ATP13A3: variants seen among roughly 807,000 people sequenced by gnomAD.
ATP13A3 encodes ATPase 13A3, also known as polyamine-transporting ATPase 13A3.
In ATP13A3, 59 loss-of-function variants were observed where a neutral mutation model predicts 158.1. The ratio of observed to expected loss-of-function variants is 0.37; its 90% CI spans 0.30 to 0.46. ATP13A3 has a LOEUF of 0.46. Ranked by LOEUF, ATP13A3 falls within the 20% of genes least tolerant of loss-of-function variation. The pLI is 1.00. For synonymous variants in ATP13A3, 491 were observed against 504.3 expected (o/e 0.97, Z 0.35); for missense variants, 1,166 against 1,525.2 (o/e 0.76, Z 3.92).
chr3:194,481,573 G>A (rs1472377806), intron 2 of ATP13A3, among the ~76,000 whole-genome samples: 3 of 151,690 alleles, frequency 2.0e-5, no homozygotes, highest in African/African-American at 7.3e-5. Context: ...TGATCTCTCC[G>A]CATTATTTTC....
intron 3 of ATP13A3, 88 bp from the exon 4 acceptor site, chr3:194,460,919 G>C: frequency 7.4e-7 from 1 of 1,352,656 alleles, no homozygotes; most frequent in Non-Finnish European, 1.0e-6. Flanking sequence ...TTGTTTTCCA[G>C]ATAGGTATTT....
intron 2 of ATP13A3, among the ~76,000 whole-genome samples, chr3:194,485,188 GGT>G (rs1392171329): frequency 6.6e-6 from 1 of 152,168 alleles, no homozygotes; most frequent in Non-Finnish European, 1.5e-5. Flanking sequence ...CTGATCTAAT[GGT>G]AGGATAATGC....
At chr3:194,417,946 C>A (rs1715986632) in intron 31 of ATP13A3, among the ~76,000 whole-genome samples, 4 of 101,416 alleles carry the variant, frequency 3.9e-5, no homozygotes, top group Admixed American at 2.6e-4. Context: ...GGGTGACAGA[C>A]AGACGGACGG....
intron 33 of ATP13A3, 35 bp from the exon 34 acceptor site, chr3:194,406,151 C>A: frequency 6.2e-7 from 1 of 1,602,892 alleles, no homozygotes; most frequent in Non-Finnish European, 8.5e-7. Context: ...ACAAAACACC[C>A]CAGTTGATTA....
rs1343980850 is a variant in ATP13A3, at chr3:194,460,731, G to A, written c.152C>T (p.Pro51Leu). Reference protein sequence around the residue: ...GFLLLLLYWMPEWRVKATCVR... With the variant: ...GFLLLLLYWMLEWRVKATCVR... ...ACAGGTCGCTTTCACCCGCCACTCAGGCATCCAATAGAGGAGGAGGAGGAG... is the reference window on the plus strand; with the variant it reads ...ACAGGTCGCTTTCACCCGCCACTCAAGCATCCAATAGAGGAGGAGGAGGAG... The change falls in exon 4 of 34, where the codon CCT becomes CTT. Residue 51 changes from proline (P) to leucine (L), a missense_variant. Physicochemically the swap from Pro to Leu is moderately conservative, Grantham distance 98. This residue lies in a region of ATP13A3 where 65 missense variants were observed against 92.4 expected (regional missense o/e 0.70). Coordinates refer to ENST00000645319, the MANE Select transcript of ATP13A3 (RefSeq NM_001367549.1). The A allele has an allele frequency of 6.2e-7, 1 of 1,614,088 alleles. No homozygotes were observed. Among genetic ancestry groups the A allele is most frequent in the Non-Finnish European group, 8.5e-7 (1 of 1,180,022 alleles).
intron 10 of ATP13A3, 186 bp from the exon 11 acceptor site, chr3:194,450,462 CTAGT>C (rs1391998199): frequency 7.1e-6 from 4 of 561,516 alleles, no homozygotes; most frequent in African/African-American, 3.8e-5. Context: ...GGTGTGTCAG[CTAGT>C]TAGTCTCCTG....
At chr3:194,407,181 A>G (rs1165475105) in intron 33 of ATP13A3, among the ~76,000 whole-genome samples, 1 of 152,238 alleles carries the variant, frequency 6.6e-6, no homozygotes, top group Non-Finnish European at 1.5e-5. Flanking sequence ...ACTTCTAAAG[A>G]ACAGCCACTT....
chr3:194,419,763 A>G, intron 31 of ATP13A3, 116 bp downstream of exon 31: 1 of 1,439,312 alleles, frequency 6.9e-7, no homozygotes, highest in South Asian at 1.5e-5. Context: ...TCTGTAGAGT[A>G]TCTTTGGGTT....
chr3:194,490,839 A>G (rs1397770034), upstream of ATP13A3, among the ~76,000 whole-genome samples: 1 of 152,226 alleles, frequency 6.6e-6, no homozygotes, highest in South Asian at 2.1e-4. This position sits in a 1 kb window ranked among gnomAD's most constrained non-coding sequence, Gnocchi z 4.4. Context: ...TGTCATCTGC[A>G]TGTACATTAA....
In ATP13A3 at chr3:194,448,986, T is replaced by C. The variant is rs1332363137; in HGVS notation, c.971-350A>G. ...TAGTCCCTGCACCTCTAAGAACTAATGGTAACAGTGGAAAGCACTGTACAG... is the reference window on the plus strand; with the variant it reads ...TAGTCCCTGCACCTCTAAGAACTAACGGTAACAGTGGAAAGCACTGTACAG... On this transcript the variant is annotated intron_variant, in intron 11 of 33. Coordinates refer to ENST00000645319, the MANE Select transcript of ATP13A3 (RefSeq NM_001367549.1). This position sits in a 1 kb window ranked among gnomAD's most constrained non-coding sequence, Gnocchi z 4.0. 2.0e-5 allele frequency among the ~76,000 whole-genome samples: 3 copies of C among 151,174 alleles called. No homozygotes were observed. The highest frequency in any genetic ancestry group is 2.9e-5 in the Non-Finnish European group (2 of 67,914).
upstream of ATP13A3, among the ~76,000 whole-genome samples, chr3:194,491,251 A>G (rs544239116): frequency 6.6e-6 from 1 of 152,100 alleles, no homozygotes; most frequent in East Asian, 1.9e-4. Flanking sequence ...AGATAAGTTC[A>G]CTTATCCCAA....
Position 194,448,860 on chromosome 3 carries a change from C to T in ATP13A3, c.971-224G>A, listed in dbSNP as rs922233444. Among the ~76,000 whole-genome samples, 1 of 152,080 alleles carries T rather than the reference C, an allele frequency of 6.6e-6. No homozygotes were observed. The highest frequency in any genetic ancestry group is 1.9e-4 in the East Asian group (1 of 5,202). ...TCAAATATTATCTCCCACAATAATTCCAGAAAGTGATTTGTGGCTCAAAGG... is the reference window on the plus strand; with the variant it reads ...TCAAATATTATCTCCCACAATAATTTCAGAAAGTGATTTGTGGCTCAAAGG... On this transcript the variant is annotated intron_variant, in intron 11 of 33. Transcript: ENST00000645319. The surrounding 1 kb of genome is among the most constrained non-coding windows in gnomAD (Gnocchi z 4.0).
Position 194,433,779 on chromosome 3 carries a change from C to T in ATP13A3, c.2238G>A (p.Met746Ile). 6 of 1,614,052 alleles carry T rather than the reference C, an allele frequency of 3.7e-6. No individual in the cohort carries two copies. Among genetic ancestry groups the T allele is most frequent in the Non-Finnish European group, 5.1e-6 (6 of 1,179,994 alleles). The change falls in exon 21 of 34, where the codon ATG becomes ATA. Residue 746 changes from methionine to isoleucine, a missense_variant. By Grantham distance (10) the Met-to-Ile change is conservative (BLOSUM62 1). Around this residue, in one of 3 missense-constraint regions of ATP13A3, gnomAD observed 997 missense variants for 1,341.2 expected, o/e 0.74. Coordinates refer to ENST00000645319, the MANE Select transcript of ATP13A3 (RefSeq NM_001367549.1). ...DLHKANIRTV[M>I]VTGDSMLTAV... is the part of the protein sequence containing the mutation. ...TCTTTTATAAAGTCTAACCTGTGAC[C>T]ATGACGGTGCGAATGTTGGCTTTAT...
In ATP13A3 at chr3:194,404,031, C is replaced by A; in HGVS notation, c.*1888G>T. ...TAGCAATTACTTTCATTATATGCTT[C>A]AGTACTTAAACCAAAGAATAAAATG... On this transcript the variant is annotated 3_prime_UTR_variant, in exon 34 of 34. Coordinates refer to ENST00000645319, the MANE Select transcript of ATP13A3 (RefSeq NM_001367549.1). 1 of 424,426 alleles carries A rather than the reference C, an allele frequency of 2.4e-6. No homozygotes were observed. The highest frequency in any genetic ancestry group is 4.6e-6 in the Non-Finnish European group (1 of 215,438). 26.3% of individuals were successfully genotyped at this position (424,426 alleles called of 1,614,324 possible). A position where few individuals can be genotyped will look rare whatever the true frequency, so the allele number is the denominator to read the frequency against.
rs369616211 is a variant in ATP13A3, at chr3:194,431,052, A to G, written c.2545-30T>C. On this transcript the variant is annotated intron_variant, in intron 23 of 33. Coordinates refer to ENST00000645319, the MANE Select transcript of ATP13A3 (RefSeq NM_001367549.1). Reference sequence around the variant, plus strand: ...AAACAATAATACAAATTTTTTTAAAATACTGTTGCGATGCATTCATGTGAG... The same window carrying G: ...AAACAATAATACAAATTTTTTTAAAGTACTGTTGCGATGCATTCATGTGAG... 46 of 1,613,410 alleles carry G rather than the reference A, an allele frequency of 2.9e-5. No homozygotes were observed. In the African/African-American group the frequency reaches 5.5e-4, roughly 19 times the overall value.
chr3:194,485,962 A>C (rs977959327), intron 1 of ATP13A3, 127 bp from the exon 2 acceptor site: 2 of 152,190 alleles, frequency 1.3e-5, no homozygotes, highest in African/African-American at 4.8e-5. Flanking sequence ...ACCTCCCCAA[A>C]AAAGCCAGAG....
chr3:194,464,543 G>A (rs928053008), intron 2 of ATP13A3, among the ~76,000 whole-genome samples: 4 of 152,136 alleles, frequency 2.6e-5, no homozygotes, highest in African/African-American at 9.7e-5. Context: ...GTGAGAATAA[G>A]CCCAACCTCT....
rs1465131320 is a variant in ATP13A3 at position 194,425,379 on chromosome 3, T to G, written c.3276A>C (p.Ser1092=). The G allele has an allele frequency of 9.9e-6, 16 of 1,612,110 alleles. No homozygotes were observed. The highest frequency in any genetic ancestry group is 1.4e-5 in the Non-Finnish European group (16 of 1,179,504). ...AAGGTTGCCTGAAGGGTTTTCCTTT[T>G]GAAAAGGCAATTGCCACTATGAGGT... ...FQYLIVAIAF[S]KGKPFRQPCY... Residue 1092 remains serine, a synonymous_variant, in exon 30 of 34, where the codon TCA becomes TCC. Coordinates refer to ENST00000645319, the MANE Select transcript of ATP13A3 (RefSeq NM_001367549.1).
At chr3:194,484,350 C>T (rs564445816) in intron 2 of ATP13A3, among the ~76,000 whole-genome samples, 2 of 152,230 alleles carry the variant, frequency 1.3e-5, no homozygotes, top group South Asian at 4.1e-4. Flanking sequence ...GGTTTCTTTC[C>T]TTCTTCCATT....
Sources: allele counts gnomAD v4.1 joint callset (sites outside exome capture counted in the v4.1 genomes callset), GRCh38; gene constraint gnomAD v4.1.1; regional missense constraint gnomAD v4.1.1; non-coding constraint Gnocchi (gnomAD v3.1); transcripts MANE v1.5; gene names NCBI Gene and HGNC (gene_info 2026-07-23, HGNC 2026-07-21).